CACNA1B: variants seen among roughly 807,000 people sequenced by gnomAD.
The protein encoded by CACNA1B is voltage-dependent N-type calcium channel subunit alpha-1B.
Under a neutral mutation model 247.2 loss-of-function variants are expected in CACNA1B, and 70 were observed. That is an observed-to-expected ratio of 0.28 (90% CI 0.23 to 0.35). CACNA1B has a LOEUF of 0.35. CACNA1B is among the 10% of genes least tolerant of loss of function. The pLI is 1.00. For synonymous variants in CACNA1B, 1,231 were observed against 1,294.4 expected, an observed-to-expected ratio of 0.95 and a Z score of 1.05; for missense variants, 2,367 against 3,197.4, an observed-to-expected ratio of 0.74 and a Z score of 6.26.
chr9:137,964,273 C>T lies in CACNA1B; in HGVS notation c.1333+6586C>T, dbSNP rs1006864655. Among the ~76,000 whole-genome samples the T allele has an allele frequency of 2.6e-5, 4 of 152,180 alleles. 1 individual carries two copies. The highest frequency in any genetic ancestry group is 5.9e-5 in the Non-Finnish European group (4 of 68,038). ...TTGAGGAAGTTCTCCTGGATGATATCCTGAAGTACATTTTCCAACTTGTTC... is the reference window on the plus strand; with the variant it reads ...TTGAGGAAGTTCTCCTGGATGATATTCTGAAGTACATTTTCCAACTTGTTC... On this transcript the variant is annotated intron_variant, in intron 10 of 46. Transcript: ENST00000371372.
intron 20 of CACNA1B, among the ~76,000 whole-genome samples, chr9:138,036,362 A>G (rs1011823422): frequency 2.6e-5 from 4 of 152,118 alleles, no homozygotes; most frequent in African/African-American, 7.2e-5. Flanking sequence ...GATGGTCTCG[A>G]TCTCCTGACC....
intron 18 of CACNA1B, among the ~76,000 whole-genome samples, chr9:138,016,132 T>A (rs983160075): frequency 5.3e-5 from 8 of 152,038 alleles, no homozygotes; most frequent in African/African-American, 1.7e-4. Flanking sequence ...TCCCACACTG[T>A]CAATCACATA....
At chr9:138,063,467 C>T (rs1203360812) in intron 31 of CACNA1B, among the ~76,000 whole-genome samples, 1 of 152,228 alleles carries the variant, frequency 6.6e-6, no homozygotes, top group African/African-American at 2.4e-5. Context: ...GCACTCCAGC[C>T]TGGGCCACAA....
intron 31 of CACNA1B, chr9:138,068,547 A>T: frequency 3.9e-6 from 2 of 516,682 alleles, no homozygotes; most frequent in South Asian, 2.8e-5. Context: ...ATTTAGTCCC[A>T]GTGCGCTTTC....
Position 138,058,801 on chromosome 9 carries a change from G to GGTGGGAGGATCACTTGAGCCCAGGAGT in CACNA1B, c.4473+68_4473+69insGTGGGAGGATCACTTGAGCCCAGGAGT. 1 of 1,395,568 alleles carries GGTGGGAGGATCACTTGAGCCCAGGAGT rather than the reference G, an allele frequency of 7.2e-7. No homozygotes were observed. The highest frequency in any genetic ancestry group is 9.9e-7 in the Non-Finnish European group (1 of 1,010,898). The allele number at this position is 1,395,568 out of a possible 1,614,324, so 86.4% of individuals were successfully genotyped here. On this transcript the variant is annotated intron_variant, in intron 29 of 46. Coordinates refer to ENST00000371372, the MANE Select transcript of CACNA1B (RefSeq NM_000718.4). This position sits in a 1 kb window ranked among gnomAD's most constrained non-coding sequence, Gnocchi z 4.7. ...GATTGGGATCTAACCCTGAGGCTGA[G>GGTGGGAGGATCACTTGAGCCCAGGAGT]TGGAGAGTCAGCCTTCTTCCTCCCT...
rs143123660 is a variant in CACNA1B, at chr9:138,039,336, TC to T, written c.3287-4437del. ...CTTCTATCCTGAAACTGTCTTTTTG[TC>T]TTTTTACCTTGCTTATTCTGTTTTT... On this transcript the variant is annotated intron_variant, in intron 20 of 46. Coordinates refer to ENST00000371372, the MANE Select transcript of CACNA1B (RefSeq NM_000718.4). Among the ~76,000 whole-genome samples the T allele has an allele frequency of 6.0e-3, 918 of 152,364 alleles. 5 individuals are homozygous for T. Among genetic ancestry groups the T allele is most frequent in the Non-Finnish European group, 0.01 (703 of 68,032 alleles).
intron 1 of CACNA1B, among the ~76,000 whole-genome samples, chr9:137,878,573 G>A (rs1161068634): frequency 6.6e-6 from 1 of 152,172 alleles, no homozygotes; most frequent in Admixed American, 6.5e-5. Context: ...CTGGCTGCAG[G>A]TGCCTGCGTG....
intron 21 of CACNA1B, among the ~76,000 whole-genome samples, chr9:138,046,112 G>A (rs1959183630): frequency 6.6e-6 from 1 of 152,214 alleles, no homozygotes; most frequent in African/African-American, 2.4e-5. Context: ...GCCAGTAGCA[G>A]GGAGGCCCCT....
At chr9:137,901,054 G>T (rs1957233210) in intron 3 of CACNA1B, among the ~76,000 whole-genome samples, 2 of 146,480 alleles carry the variant, frequency 1.4e-5, no homozygotes, top group Admixed American at 6.8e-5. Context: ...GTGTGTCCGT[G>T]TGTCTGTGCT....
At chr9:138,117,670 C>G (rs915701133) in intron 42 of CACNA1B, among the ~76,000 whole-genome samples, 1 of 152,196 alleles carries the variant, frequency 6.6e-6, no homozygotes, top group Non-Finnish European at 1.5e-5. Flanking sequence ...TAAGCTGGTG[C>G]TCTGCATCCT....
rs1433934086 is a variant in CACNA1B at position 138,007,647 on chromosome 9, G to T, written c.2092+763G>T. On this transcript the variant is annotated intron_variant, in intron 16 of 46. Coordinates refer to ENST00000371372, the MANE Select transcript of CACNA1B (RefSeq NM_000718.4). The surrounding 1 kb of genome is among the most constrained non-coding windows in gnomAD (Gnocchi z 4.1). ...CCAGCCCTAGCCCAGGGTGTCAGAG[G>T]CAGTGGGGCTGGGCTGGGGCCTGAG... Among the ~76,000 whole-genome samples, 1 of 152,142 alleles carries T rather than the reference G, an allele frequency of 6.6e-6. No individual in the cohort carries two copies. Among genetic ancestry groups the T allele is most frequent in the Non-Finnish European group, 1.5e-5 (1 of 68,016 alleles).
chr9:138,008,287 C>T (rs1417896904), intron 16 of CACNA1B, among the ~76,000 whole-genome samples: 1 of 152,240 alleles, frequency 6.6e-6, no homozygotes, highest in Non-Finnish European at 1.5e-5. Flanking sequence ...TGGTTCACCA[C>T]AGCTGAGTCT....
chr9:138,099,110 T>G (rs1961155742), intron 37 of CACNA1B, among the ~76,000 whole-genome samples: 1 of 152,262 alleles, frequency 6.6e-6, no homozygotes, highest in Non-Finnish European at 1.5e-5. Context: ...TTTCCTGAGT[T>G]GTGTGTGCAC....
intron 26 of CACNA1B, among the ~76,000 whole-genome samples, chr9:138,056,163 C>T (rs753590196): frequency 3.3e-5 from 5 of 152,136 alleles, no homozygotes; most frequent in Non-Finnish European, 7.3e-5. Context: ...ATGCAAGCAT[C>T]GCCACAGTCA....
intron 20 of CACNA1B, among the ~76,000 whole-genome samples, chr9:138,037,864 C>G (rs1446475206): frequency 7.2e-5 from 11 of 152,158 alleles, no homozygotes; most frequent in Admixed American, 7.2e-4. Context: ...CTAAATGGTT[C>G]TAGTGACATT....
Position 137,914,850 on chromosome 9 carries a change from T to C in CACNA1B, c.775+44T>C. 1 of 1,606,098 alleles carries C rather than the reference T, an allele frequency of 6.2e-7. No homozygotes were observed. The highest frequency in any genetic ancestry group is 8.5e-7 in the Non-Finnish European group (1 of 1,175,422). On this transcript the variant is annotated intron_variant, in intron 5 of 46. Transcript: ENST00000371372. This position sits in a 1 kb window ranked among gnomAD's most constrained non-coding sequence, Gnocchi z 4.3. ...CTCCAGCACAGGCAAGTGCCACGGA[T>C]GCGTTCATCCAGGAGATGGGCACTG...
In CACNA1B at chr9:138,059,650, C is replaced by G. The variant is rs752921236; in HGVS notation, c.4585-4C>G. ...TGGCACTAACTGCTCTTCTTTTTCT[C>G]TAGAACTATTTCAGAGATGCCTGGA... On this transcript the variant is annotated splice_region_variant and splice_polypyrimidine_tract_variant and intron_variant, in intron 30 of 46. Coordinates refer to ENST00000371372, the MANE Select transcript of CACNA1B (RefSeq NM_000718.4). This position sits in a 1 kb window ranked among gnomAD's most constrained non-coding sequence, Gnocchi z 4.2. 3 of 1,584,834 alleles carry G rather than the reference C, an allele frequency of 1.9e-6. No homozygotes were observed. Among genetic ancestry groups the G allele is most frequent in the Admixed American group, 1.7e-5 (1 of 59,956 alleles).
At chr9:137,979,084 A>C (rs1439096852) in intron 12 of CACNA1B, among the ~76,000 whole-genome samples, 1 of 152,192 alleles carries the variant, frequency 6.6e-6, no homozygotes, top group Non-Finnish European at 1.5e-5. Flanking sequence ...TCTGATCTGA[A>C]CTGACTGGAT....
At chr9:138,096,813 C>T (rs567761708) in intron 37 of CACNA1B, among the ~76,000 whole-genome samples, 32 of 147,150 alleles carry the variant, frequency 2.2e-4, no homozygotes, top group African/African-American at 7.3e-4. Flanking sequence ...CGTGTGCCTT[C>T]GCGCAGTGGC....
Sources: gnomAD v4.1 joint callset for allele counts (sites outside exome capture counted in the v4.1 genomes callset) on GRCh38, gnomAD v4.1.1 for gene constraint, Gnocchi (gnomAD v3.1) non-coding constraint, MANE v1.5 for transcripts, NCBI Gene and HGNC (gene_info 2026-07-23, HGNC 2026-07-21) for gene names.